DENND1A: variants seen among roughly 807,000 people sequenced by gnomAD.
DENND1A encodes DENN domain-containing protein 1A.
Under a neutral mutation model 113.7 loss-of-function variants are expected in DENND1A, and 51 were observed. The observed-to-expected ratio is 0.45, with a 90% CI of 0.36 to 0.57. The LOEUF is 0.57. DENND1A is among the 20% of genes least tolerant of loss of function. The pLI, the probability that DENND1A is intolerant of heterozygous loss-of-function variation, is 0.00. For missense variants in DENND1A, 1,258 were observed against 1,395.9 expected, an observed-to-expected ratio of 0.90 and a Z score of 1.57; for synonymous variants, 565 against 570.8, an observed-to-expected ratio of 0.99 and a Z score of 0.14.
At chr9:123,413,870 G>A in intron 19 of DENND1A, 5 of 985,350 alleles carry the variant, frequency 5.1e-6, no homozygotes, top group Non-Finnish European at 6.0e-6. Flanking sequence ...AGAGGAAGAG[G>A]TGATCAGGGA....
chr9:123,610,844 T>C (rs745624882), intron 10 of DENND1A, among the ~76,000 whole-genome samples: 18 of 152,332 alleles, frequency 1.2e-4, no homozygotes, highest in Admixed American at 4.6e-4. Context: ...GTTTAGGCTT[T>C]ATCCTGAAAG....
At chr9:123,525,093 G>A (rs2054711315) in intron 13 of DENND1A, among the ~76,000 whole-genome samples, 2 of 152,204 alleles carry the variant, frequency 1.3e-5, no homozygotes, top group African/African-American at 4.8e-5. Context: ...TGATAGATAA[G>A]AATGCTGAGG....
intron 2 of DENND1A, among the ~76,000 whole-genome samples, chr9:123,793,157 TG>T (rs1188949134): frequency 6.6e-6 from 1 of 152,222 alleles, no homozygotes; most frequent in Non-Finnish European, 1.5e-5. Context: ...TAAAACTGGA[TG>T]GAAGTTTTCT....
At chr9:123,913,124 A>C (rs1367573157) in intron 1 of DENND1A, among the ~76,000 whole-genome samples, 1 of 151,110 alleles carries the variant, frequency 6.6e-6, no homozygotes, top group African/African-American at 2.4e-5. Flanking sequence ...AAAAAAAAAA[A>C]AAAAAAAAAA....
At chr9:123,731,074 G>A (rs554454298) in intron 5 of DENND1A, among the ~76,000 whole-genome samples, 9 of 152,178 alleles carry the variant, frequency 5.9e-5, no homozygotes, top group African/African-American at 1.7e-4. Flanking sequence ...ACATGGACAC[G>A]GAGGGGAACA....
At chr9:123,645,963 G>A (rs545116786) in intron 9 of DENND1A, among the ~76,000 whole-genome samples, 5 of 152,238 alleles carry the variant, frequency 3.3e-5, no homozygotes, top group African/African-American at 9.6e-5. Context: ...CCGCTTATCC[G>A]GTTGTCTTCA....
intron 13 of DENND1A, among the ~76,000 whole-genome samples, chr9:123,503,946 C>A (rs1266324122): frequency 1.3e-5 from 2 of 152,192 alleles, no homozygotes; most frequent in African/African-American, 2.4e-5. Context: ...GTCATCTGTA[C>A]TCCCAGGGTC....
intron 13 of DENND1A, among the ~76,000 whole-genome samples, chr9:123,534,337 T>A (rs1381852029): frequency 6.6e-6 from 1 of 152,248 alleles, no homozygotes; most frequent in African/African-American, 2.4e-5. Context: ...AAAATCAGTA[T>A]CATGCTGTAT....
At position 123,492,448 on chromosome 9, in the gene DENND1A, C is replaced by T. The variant is rs574914020; in HGVS notation, c.994-34551G>A. Among the ~76,000 whole-genome samples the T allele has an allele frequency of 4.6e-5, 7 of 152,276 alleles. No homozygotes were observed. The South Asian group carries it at 1.0e-3, about 23-fold the overall frequency. On this transcript the variant is annotated intron_variant, in intron 13 of 23. Coordinates refer to ENST00000394215, the MANE Select transcript of DENND1A (RefSeq NM_001352964.2). ...CCCAAGGCACTCAGGAACATAGCTG[C>T]ACCAGGGGACTTGGAGTGATGGGAG...
At chr9:123,452,429 G>T in intron 16 of DENND1A, 82 bp from the exon 17 acceptor site, 1 of 1,120,260 alleles carries the variant, frequency 8.9e-7, no homozygotes, top group Non-Finnish European at 1.4e-6. Flanking sequence ...CTTCAATCGA[G>T]TTAAGCAACA....
At chr9:123,766,523 G>A (rs147236786) in intron 4 of DENND1A, among the ~76,000 whole-genome samples, 9 of 152,278 alleles carry the variant, frequency 5.9e-5, no homozygotes, top group African/African-American at 1.7e-4. Context: ...GACTAGAATC[G>A]ATAAGGAAAT....
chr9:123,401,514 C>A (rs1304392766), intron 21 of DENND1A: 3 of 1,272,702 alleles, frequency 2.4e-6, no homozygotes, highest in Non-Finnish European at 3.0e-6. Flanking sequence ...TGGGCCCGAG[C>A]CACTGTGACG....
At chr9:123,757,862 G>A (rs747672769) in intron 4 of DENND1A, 40 bp from the exon 5 acceptor site, 9 of 1,590,248 alleles carry the variant, frequency 5.7e-6, no homozygotes, top group Non-Finnish European at 7.7e-6. Flanking sequence ...TGAATGTGCA[G>A]TAAGTTTCTT....
chr9:123,573,677 C>T (rs1045763010), intron 12 of DENND1A, among the ~76,000 whole-genome samples: 16 of 152,044 alleles, frequency 1.1e-4, no homozygotes, highest in Admixed American at 1.0e-3. Context: ...ATTTATGAGA[C>T]TCCTTAGAAT....
At chr9:123,916,917 C>CGGT (rs916598557) in intron 1 of DENND1A, among the ~76,000 whole-genome samples, 2 of 151,914 alleles carry the variant, frequency 1.3e-5, no homozygotes, top group Non-Finnish European at 2.9e-5. Context: ...GGGCCAGGCA[C>CGGT]GGTGGCTCCT....
At chr9:123,654,920 C>T (rs2062853508) in intron 8 of DENND1A, among the ~76,000 whole-genome samples, 2 of 152,194 alleles carry the variant, frequency 1.3e-5, no homozygotes, top group Admixed American at 1.3e-4. Flanking sequence ...GGAGCACTCG[C>T]AGTTCCCATC....
intron 21 of DENND1A, among the ~76,000 whole-genome samples, chr9:123,394,458 G>A (rs974820386): frequency 2.6e-5 from 4 of 152,170 alleles, no homozygotes; most frequent in Admixed American, 6.5e-5. Context: ...TGCAAGTCTG[G>A]GGGTGGTGCA....
intron 22 of DENND1A, among the ~76,000 whole-genome samples, chr9:123,386,681 G>T (rs566333280): frequency 6.6e-6 from 1 of 152,214 alleles, no homozygotes; most frequent in Non-Finnish European, 1.5e-5. Flanking sequence ...ACTGCGCTTG[G>T]CAAGGCCACT....
intron 8 of DENND1A, among the ~76,000 whole-genome samples, chr9:123,661,752 C>A (rs1410147593): frequency 6.6e-6 from 1 of 152,058 alleles, no homozygotes; most frequent in Non-Finnish European, 1.5e-5. Flanking sequence ...TTTTTAAAAT[C>A]TATAAATAAC....
Sources: gnomAD v4.1 joint callset for allele counts (sites outside exome capture counted in the v4.1 genomes callset) on GRCh38, gnomAD v4.1.1 for gene constraint, MANE v1.5 for transcripts, NCBI Gene and HGNC (gene_info 2026-07-23, HGNC 2026-07-21) for gene names.